Variants in INTS14 observed in about 807,000 individuals in gnomAD.
INTS14 encodes the protein UPF0464 protein C15orf44.
In INTS14, 27 loss-of-function variants were observed where a neutral mutation model predicts 56.9. The ratio of observed to expected loss-of-function variants is 0.47; its 90% CI spans 0.35 to 0.65. The LOEUF (loss-of-function observed/expected upper bound fraction) is 0.65, where lower values mean the gene tolerates loss of function less well. Ranked by LOEUF, INTS14 falls within the 30% of genes least tolerant of loss-of-function variation. INTS14 has a pLI of 0.00. For synonymous variants in INTS14, 207 were observed against 236.2 expected, an observed-to-expected ratio of 0.88 and a Z score of 1.13; for missense variants, 517 against 632.2, an observed-to-expected ratio of 0.82 and a Z score of 1.95.
At chr15:65,591,535 A>G in intron 9 of INTS14, 63 bp downstream of exon 9, 2 of 1,579,006 alleles carry the variant, frequency 1.3e-6, no homozygotes, top group Non-Finnish European at 1.7e-6. Flanking sequence ...GCACAGTCAG[A>G]GACATTGAGA....
rs1435977342 is a variant in INTS14 at position 65,605,201 on chromosome 15, G to T, written c.258C>A (p.Thr86=). ...CACCAACTAATGCAGACTCCAAGCA[G>T]GTTTTGTCATAATCATCCATATTAC... ...ALSNMDDYDK[T]CLESALVGVC... The change falls in exon 3 of 12, where the codon ACC becomes ACA. Residue 86 remains threonine, a synonymous_variant. Transcript: ENST00000313182. 1 of 1,614,020 alleles carries T rather than the reference G, an allele frequency of 6.2e-7. No individual in the cohort carries two copies. Among genetic ancestry groups the T allele is most frequent in the Admixed American group, 1.7e-5 (1 of 60,018 alleles).
At chr15:65,601,632 C>T (rs922032061) in intron 3 of INTS14, among the ~76,000 whole-genome samples, 10 of 152,060 alleles carry the variant, frequency 6.6e-5, no homozygotes, top group African/African-American at 2.2e-4. Flanking sequence ...TGAGCCACCG[C>T]GCCCGGCCCT....
intron 1 of INTS14, 113 bp downstream of exon 1, chr15:65,610,985 G>C (rs1049337344): frequency 2.7e-6 from 4 of 1,493,524 alleles, no homozygotes; most frequent in African/African-American, 1.4e-5. Context: ...CGGCCGCCAC[G>C]GTGGCGGGAA....
At chr15:65,583,524 C>T (rs890719001) in intron 10 of INTS14, among the ~76,000 whole-genome samples, 11 of 151,992 alleles carry the variant, frequency 7.2e-5, no homozygotes, top group African/African-American at 2.2e-4. Flanking sequence ...TGCCAGGGCC[C>T]GGAAGAAGGA....
intron 3 of INTS14, among the ~76,000 whole-genome samples, chr15:65,601,568 C>T (rs1021900987): frequency 6.6e-6 from 1 of 152,162 alleles, no homozygotes; most frequent in African/African-American, 2.4e-5. Context: ...GTCTCGAACT[C>T]CTGACCTTGT....
Position 65,599,846 on chromosome 15 carries a change from C to G in INTS14, c.414G>C (p.Glu138Asp). The change falls in exon 4 of 12, where the codon GAG becomes GAC. Residue 138 changes from glutamate (E) to aspartate (D), a missense_variant. By Grantham distance (45) the Glu-to-Asp change is conservative (BLOSUM62 2). Transcript: ENST00000313182. ...HSLATQNQRS[E>D]SNRFPLPFPF... ...GAAAAGGTAGTGGAAACCTGTTGCT[C>G]TCACTTCGTTGATTTTGAGTGGCTA... 6.2e-7 allele frequency: 1 copy of G among 1,614,230 alleles called. No individual in the cohort carries two copies.
At chr15:65,601,273 T>C (rs1473730359) in intron 3 of INTS14, among the ~76,000 whole-genome samples, 1 of 152,222 alleles carries the variant, frequency 6.6e-6, no homozygotes, top group South Asian at 2.1e-4. Context: ...AGACTTCCCA[T>C]GCATCCCAGG....
chr15:65,608,984 G>A (rs1354064315), intron 1 of INTS14, among the ~76,000 whole-genome samples: 2 of 152,174 alleles, frequency 1.3e-5, no homozygotes, highest in African/African-American at 2.4e-5. Flanking sequence ...TGCAAGCACC[G>A]CCTCCCGGGT....
intron 8 of INTS14, among the ~76,000 whole-genome samples, chr15:65,592,016 C>T (rs2073049636): frequency 1.3e-5 from 2 of 152,214 alleles, no homozygotes; most frequent in Admixed American, 6.5e-5. Flanking sequence ...CAGCAAGTAG[C>T]TGGAGAGGTG....
chr15:65,608,420 G>A (rs2073735643), intron 1 of INTS14, among the ~76,000 whole-genome samples: 1 of 150,936 alleles, frequency 6.6e-6, no homozygotes. Flanking sequence ...TCATGAAATT[G>A]GGTAGAAAAG....
chr15:65,583,699 GAA>G (rs540055252), intron 10 of INTS14, among the ~76,000 whole-genome samples: 58 of 151,826 alleles, frequency 3.8e-4, no homozygotes, highest in African/African-American at 1.3e-3. Flanking sequence ...ACCAGAATAA[GAA>G]AAATAAACCC....
rs113769922 is a variant in INTS14, at chr15:65,595,061, G to A, written c.841+672C>T. On this transcript the variant is annotated intron_variant, in intron 7 of 11. Coordinates refer to ENST00000313182, the MANE Select transcript of INTS14 (RefSeq NM_001394796.1). ...AGTGGATGGTCAGCTTAAAACAGAG[G>A]AAAAGATAATTTTAAGGGTAGAACT... Among the ~76,000 whole-genome samples the A allele has an allele frequency of 6.3e-3, 966 of 152,292 alleles. 6 individuals carry two copies. Among genetic ancestry groups the A allele is most frequent in the Non-Finnish European group, 0.01 (696 of 68,030 alleles).
chr15:65,609,884 G>A (rs1346789545), intron 1 of INTS14, among the ~76,000 whole-genome samples: 1 of 152,054 alleles, frequency 6.6e-6, no homozygotes, highest in Non-Finnish European at 1.5e-5. Context: ...ATGACAGCTG[G>A]CAGTCTTGCC....
intron 9 of INTS14, among the ~76,000 whole-genome samples, chr15:65,590,273 G>C (rs531823291): frequency 1.3e-5 from 2 of 152,236 alleles, no homozygotes; most frequent in East Asian, 3.9e-4. Context: ...TTGGATTATG[G>C]CCATACTGTA....
chr15:65,599,274 T>C, intron 4 of INTS14: 2 of 256,462 alleles, frequency 7.8e-6, no homozygotes, highest in South Asian at 2.2e-4. Flanking sequence ...CTCCAAAGTG[T>C]TTCTAACGTC....
At chr15:65,586,863 T>C (rs2072844955) in intron 9 of INTS14, 1 of 152,134 alleles carries the variant, frequency 6.6e-6, no homozygotes, top group Non-Finnish European at 1.5e-5. Context: ...TTCCCAGTAC[T>C]GAAGATCATG....
intron 2 of INTS14, among the ~76,000 whole-genome samples, chr15:65,606,357 C>G (rs1426736989): frequency 2.0e-5 from 3 of 150,916 alleles, no homozygotes; most frequent in Non-Finnish European, 4.4e-5. Flanking sequence ...TATTTCTAAA[C>G]CACCTAACAA....
chr15:65,595,532 A>T (rs1396650211), intron 7 of INTS14, among the ~76,000 whole-genome samples: 1 of 152,282 alleles, frequency 6.6e-6, no homozygotes, highest in African/African-American at 2.4e-5. Context: ...AACACACAGT[A>T]AATATGTGTC....
chr15:65,588,331 G>A (rs979009425), intron 9 of INTS14, among the ~76,000 whole-genome samples: 1 of 151,146 alleles, frequency 6.6e-6, no homozygotes, highest in Admixed American at 6.6e-5. Flanking sequence ...TAAAATGGGG[G>A]AACCCCTGAC....
Sources: allele counts gnomAD v4.1 joint callset (sites outside exome capture counted in the v4.1 genomes callset), GRCh38; gene constraint gnomAD v4.1.1; transcripts MANE v1.5; gene names NCBI Gene and HGNC (gene_info 2026-07-23, HGNC 2026-07-21).